The following ANKRD62 variants were observed in gnomAD, a reference collection of about 807,000 sequenced individuals.
The protein encoded by ANKRD62 is ankyrin repeat domain 62.
Under a neutral mutation model 98.8 loss-of-function variants are expected in ANKRD62, and 61 were observed. The observed-to-expected ratio is 0.62, with a 90% confidence interval of 0.50 to 0.76. ANKRD62 has a LOEUF of 0.76. Ranked by LOEUF, ANKRD62 falls within the 30% of genes least tolerant of loss-of-function variation. The probability of loss-of-function intolerance (pLI) is 0.00; values close to 1 mark genes in which losing one functional copy is unlikely to be tolerated. For synonymous variants in ANKRD62, 341 were observed against 367.9 expected, an observed-to-expected ratio of 0.93 and a Z score of 0.84; for missense variants, 933 against 1,082.9, an observed-to-expected ratio of 0.86 and a Z score of 1.94.
chr18:12,109,950 C>CAAAAAAAAAAAA (rs10588166), intron 8 of ANKRD62, among the ~76,000 whole-genome samples: 1 of 124,842 alleles, frequency 8.0e-6, no homozygotes, highest in Non-Finnish European at 1.6e-5. Context: ...TCACTGTTAC[C>CAAAAAAAAAAAA]AAAAAAAAAA....
chr18:12,109,885 T>A (rs1387366785), intron 8 of ANKRD62, among the ~76,000 whole-genome samples: 4 of 148,986 alleles, frequency 2.7e-5, no homozygotes, highest in Non-Finnish European at 4.4e-5. Context: ...ATAAATGAAT[T>A]ACTGTCATTC....
At chr18:12,141,424 G>A in the ANKRD62 span, among the ~76,000 whole-genome samples, 1 of 152,322 alleles carries the variant, frequency 6.6e-6, no homozygotes, top group South Asian at 2.1e-4. Context: ...CCCGTCTTCT[G>A]TGTCGCTCAC....
chr18:12,106,806 A>G (rs750987159), intron 7 of ANKRD62, among the ~76,000 whole-genome samples: 2 of 152,172 alleles, frequency 1.3e-5, no homozygotes, highest in African/African-American at 2.4e-5. Context: ...GGGAGAAAGT[A>G]AAATAAAAGA....
intron 8 of ANKRD62, among the ~76,000 whole-genome samples, chr18:12,109,661 G>A (rs1052029152): frequency 6.6e-6 from 1 of 152,110 alleles, no homozygotes; most frequent in Non-Finnish European, 1.5e-5. Flanking sequence ...GATTGTACAT[G>A]GGGATCCATA....
At chr18:12,140,868 C>T in the ANKRD62 span, among the ~76,000 whole-genome samples, 2 of 152,232 alleles carry the variant, frequency 1.3e-5, no homozygotes, top group African/African-American at 2.4e-5. Flanking sequence ...AGAACCACTT[C>T]TCTCTTCAAA....
At chr18:12,110,872 G>T (rs1909522779) in intron 8 of ANKRD62, among the ~76,000 whole-genome samples, 1 of 152,126 alleles carries the variant, frequency 6.6e-6, no homozygotes, top group Admixed American at 6.6e-5. Flanking sequence ...AGTTGTTTTA[G>T]TTGTGACATT....
At chr18:12,146,330 G>T in the ANKRD62 span, among the ~76,000 whole-genome samples, 1 of 152,116 alleles carries the variant, frequency 6.6e-6, no homozygotes, top group Non-Finnish European at 1.5e-5. Flanking sequence ...TTTGCTGTTG[G>T]GATGACTTAG....
chr18:12,112,647 G>A (rs1909568865), intron 8 of ANKRD62, among the ~76,000 whole-genome samples: 1 of 152,176 alleles, frequency 6.6e-6, no homozygotes, highest in Non-Finnish European at 1.5e-5. Context: ...TCTGGACATA[G>A]GCACCGGCAA....
the ANKRD62 span, among the ~76,000 whole-genome samples, chr18:12,179,453 G>A: frequency 2.8e-5 from 4 of 140,636 alleles, no homozygotes; most frequent in Non-Finnish European, 4.6e-5. Flanking sequence ...CCTTTGCCAA[G>A]AGCACAGCCC....
chr18:12,136,220 A>G, the ANKRD62 span, among the ~76,000 whole-genome samples: 1 of 151,846 alleles, frequency 6.6e-6, no homozygotes, highest in Non-Finnish European at 1.5e-5. Flanking sequence ...TAATTTTTGT[A>G]TAAGGTGTAA....
chr18:12,114,950 A>T, intron 8 of ANKRD62, 138 bp from the exon 9 acceptor site: 1 of 691,728 alleles, frequency 1.4e-6, no homozygotes, highest in Non-Finnish European at 2.0e-6. Flanking sequence ...ATCACCTGTA[A>T]AAACATTACC....
chr18:12,130,071 G>T (rs915015471), downstream of ANKRD62, among the ~76,000 whole-genome samples: 5 of 152,154 alleles, frequency 3.3e-5, no homozygotes, highest in African/African-American at 1.2e-4. Flanking sequence ...AGTGTAGTAG[G>T]AGAATTGTAT....
chr18:12,096,473 TA>T (rs1181658910), intron 4 of ANKRD62, among the ~76,000 whole-genome samples, 171 bp downstream of exon 4: 1 of 152,166 alleles, frequency 6.6e-6, no homozygotes, highest in Non-Finnish European at 1.5e-5. Flanking sequence ...CTGGGCAACA[TA>T]AAAAATAGTG....
chr18:12,178,344 G>A, the ANKRD62 span, among the ~76,000 whole-genome samples: 11 of 148,764 alleles, frequency 7.4e-5, no homozygotes, highest in Non-Finnish European at 1.5e-4. Context: ...TGAGTGAAAA[G>A]TCTGCAGAGG....
In ANKRD62 at chr18:12,126,276, C is replaced by G. The variant is rs1909890955; in HGVS notation, c.2455C>G (p.Gln819Glu). Residue 819 changes from glutamine to glutamate, a missense_variant, in exon 13 of 14, where the codon CAA (glutamine) becomes GAA (glutamate). Physicochemically the swap from Gln to Glu is conservative, Grantham distance 29. Coordinates refer to ENST00000587848, the MANE Select transcript of ANKRD62 (RefSeq NM_001277333.2). ...ATGTGAAGATACTGTAGAAAAACTT[C>G]AAGCTGAGTGTAGAAAGCTAGAAGA... ...VKCEDTVEKL[Q>E]AECRKLEENN... is the part of the protein sequence containing the mutation. 2 of 1,535,868 alleles carry G rather than the reference C, an allele frequency of 1.3e-6. No homozygotes were observed. Among genetic ancestry groups the G allele is most frequent in the Non-Finnish European group, 1.7e-6 (2 of 1,146,782 alleles).
At position 12,126,116 on chromosome 18, in the gene ANKRD62, C is replaced by A; in HGVS notation, c.2295C>A (p.Tyr765Ter). ...ATGACCAACCTATTTTGGAAAAATA[C>A]GTGAGAAAGCAGCAATCTGTAGAGG... ...YQNDQPILEK[Y>*]VRKQQSVEDG... Residue 765 changes from tyrosine to a stop codon, truncating the protein, a stop_gained, in exon 13 of 14, where the codon TAC becomes TAA. Coordinates refer to ENST00000587848, the MANE Select transcript of ANKRD62 (RefSeq NM_001277333.2). LOFTEE classifies it high-confidence loss of function. 1 of 1,535,650 alleles carries A rather than the reference C, an allele frequency of 6.5e-7. No individual in the cohort carries two copies. Among genetic ancestry groups the A allele is most frequent in the South Asian group, 1.2e-5 (1 of 84,062 alleles).
At chr18:12,131,374 A>G (rs762491506), downstream of ANKRD62, among the ~76,000 whole-genome samples, 4 of 152,244 alleles carry the variant, frequency 2.6e-5, no homozygotes, top group Non-Finnish European at 5.9e-5. Context: ...TGCTTGGTTA[A>G]CAAATACCAC....
chr18:12,102,334 C>G, intron 6 of ANKRD62: 4 of 686,334 alleles, frequency 5.8e-6, no homozygotes, highest in Non-Finnish European at 8.2e-6. Context: ...CCAATGTACT[C>G]ACTCCACACC....
chr18:12,100,964 T>C (rs1909288181), intron 6 of ANKRD62, among the ~76,000 whole-genome samples: 1 of 152,150 alleles, frequency 6.6e-6, no homozygotes, highest in African/African-American at 2.4e-5. Flanking sequence ...GGGCTGCCTC[T>C]TTGAAGTAGG....
Sources: gnomAD v4.1 joint callset for allele counts (sites outside exome capture counted in the v4.1 genomes callset) on GRCh38, gnomAD v4.1.1 for gene constraint, MANE v1.5 for transcripts, NCBI Gene and HGNC (gene_info 2026-07-23, HGNC 2026-07-21) for gene names.